AGBL1: variants seen among roughly 807,000 people sequenced by gnomAD.
AGBL1 encodes the protein cytosolic carboxypeptidase 4.
A neutral mutation model predicts 118.9 loss-of-function variants in AGBL1; 130 were observed. The observed-to-expected ratio is 1.09, with a 90% CI of 0.95 to 1.26. The LOEUF is 1.26. AGBL1 is among the 50% of genes most tolerant of loss of function. The probability of loss-of-function intolerance (pLI) is 0.00; values close to 1 mark genes in which losing one functional copy is unlikely to be tolerated. For synonymous variants in AGBL1, 555 were observed against 478.9 expected (o/e 1.16, Z -2.08); for missense variants, 1,584 against 1,298.1 (o/e 1.22, Z -3.38).
At chr15:86,536,904 T>C (rs1330248883) in intron 19 of AGBL1, among the ~76,000 whole-genome samples, 1 of 152,134 alleles carries the variant, frequency 6.6e-6, no homozygotes, top group East Asian at 1.9e-4. Context: ...AGGCTTCCGA[T>C]GAAGACACGG....
At chr15:86,101,858 G>A (rs1271286569) in intron 1 of AGBL1, among the ~76,000 whole-genome samples, 1 of 151,954 alleles carries the variant, frequency 6.6e-6, no homozygotes, top group Non-Finnish European at 1.5e-5. Context: ...AAAACTTAAT[G>A]CATTTATATT....
At chr15:86,278,433 C>T (rs565477057) in intron 15 of AGBL1, among the ~76,000 whole-genome samples, 9 of 151,766 alleles carry the variant, frequency 5.9e-5, no homozygotes, top group Admixed American at 1.3e-4. Context: ...TAGTCCCATT[C>T]CGAGGTGTAT....
At chr15:86,956,253 A>T (rs1210122088) in intron 23 of AGBL1, among the ~76,000 whole-genome samples, 1 of 149,972 alleles carries the variant, frequency 6.7e-6, no homozygotes, top group Non-Finnish European at 1.5e-5. Flanking sequence ...AGATAGATAG[A>T]TAGATAGATT....
intron 24 of AGBL1, among the ~76,000 whole-genome samples, chr15:86,999,284 A>ATG (rs1491398766): frequency 6.6e-6 from 1 of 151,406 alleles, no homozygotes; most frequent in Non-Finnish European, 1.5e-5. Flanking sequence ...GGTTAGTTAC[A>ATG]TGTGTGTACA....
rs1343979881 is a variant in AGBL1 at position 86,264,348 on chromosome 15, C to T, written c.1177C>T (p.Gln393Ter). 7.4e-6 allele frequency: 12 copies of T among 1,613,082 alleles called. No homozygotes were observed. In the East Asian group the frequency reaches 2.5e-4, roughly 33 times the overall value. Residue 393 changes from glutamine to a stop codon, truncating the protein, a stop_gained, in exon 11 of 23, where the codon CAG (glutamine) becomes TAG (stop). Transcript: ENST00000614907. LOFTEE classifies it high-confidence loss of function. ...CATTCCAGCCGCTGCCTCCTCAAAA[C>T]AGCATTGCTACAGCAAGGACCAAAG... is the stretch of plus-strand genomic sequence containing the variant. ...HHIPAAASSKQHCYSKDQSSC... is the reference protein window; with the variant it reads ...HHIPAAASSK
At chr15:86,958,670 T>C (rs2080958378) in intron 23 of AGBL1, among the ~76,000 whole-genome samples, 1 of 152,186 alleles carries the variant, frequency 6.6e-6, no homozygotes, top group Non-Finnish European at 1.5e-5. Context: ...TATATAATTT[T>C]TTATCAGCAC....
At chr15:86,827,467 ATACATATATATATATATGTGTG>A (rs1486384254) in intron 22 of AGBL1, among the ~76,000 whole-genome samples, 38 of 11,030 alleles carry the variant, frequency 3.4e-3, no homozygotes, top group African/African-American at 0.028. Context: ...ATATATATAT[ATACATATATATATATATGTGTG>A]TATATATATA....
In AGBL1 at chr15:86,721,056, A is replaced by T. The variant is rs1413458826; in HGVS notation, c.3158+46620A>T. On this transcript the variant is annotated intron_variant, in intron 22 of 22. Coordinates refer to ENST00000614907, the MANE Select transcript of AGBL1 (RefSeq NM_001386094.1). Reference sequence around the variant, plus strand: ...CAGGACCAGATGGATTCACAGCTGAATTCTACCAGAGGTACAAGGAGGAGC... The same window carrying T: ...CAGGACCAGATGGATTCACAGCTGATTTCTACCAGAGGTACAAGGAGGAGC... 2.0e-5 allele frequency among the ~76,000 whole-genome samples: 3 copies of T among 152,178 alleles called. No homozygotes were observed. The East Asian group carries it at 5.8e-4, about 29-fold the overall frequency.
intron 18 of AGBL1, among the ~76,000 whole-genome samples, chr15:86,438,913 G>A (rs2082029646): frequency 1.3e-5 from 2 of 151,840 alleles, no homozygotes; most frequent in Non-Finnish European, 2.9e-5. Flanking sequence ...CCACCACCTC[G>A]GCCTCCCAAA....
At chr15:86,637,504 A>G (rs755289269) in intron 21 of AGBL1, among the ~76,000 whole-genome samples, 1 of 152,172 alleles carries the variant, frequency 6.6e-6, no homozygotes, top group Admixed American at 6.6e-5. Flanking sequence ...AAAAGAAGCT[A>G]AAGTGTCAAG....
rs533720558 is a variant in AGBL1, at chr15:86,545,873, C to A, written c.2686-129C>A. 76 of 1,161,080 alleles carry A rather than the reference C, an allele frequency of 6.5e-5. No homozygotes were observed. The African/African-American group carries it at 1.1e-3, about 17-fold the overall frequency. 71.9% of individuals were successfully genotyped at this position (1,161,080 alleles called of 1,614,324 possible). ...GCACATGGCTGGTCTGCTAACTCAA[C>A]AGCATCCGAGAAAGTTGACATTGTA... On this transcript the variant is annotated intron_variant, in intron 19 of 22. Transcript: ENST00000614907.
chr15:86,540,254 C>A (rs1408354699), intron 19 of AGBL1, among the ~76,000 whole-genome samples: 1 of 152,132 alleles, frequency 6.6e-6, no homozygotes, highest in South Asian at 2.1e-4. Flanking sequence ...TATTACGTAG[C>A]AGTTACCCAG....
chr15:86,703,537 T>G (rs777769307), intron 22 of AGBL1, among the ~76,000 whole-genome samples: 15 of 152,160 alleles, frequency 9.9e-5, no homozygotes, highest in Non-Finnish European at 1.8e-4. Context: ...AATAAATTCT[T>G]AGTGACTGTT....
At chr15:86,552,585 G>A (rs1426086214) in intron 20 of AGBL1, among the ~76,000 whole-genome samples, 2 of 152,174 alleles carry the variant, frequency 1.3e-5, no homozygotes, top group Non-Finnish European at 2.9e-5. Flanking sequence ...TAACCTCTAT[G>A]AGCAACATAC....
intron 5 of AGBL1, among the ~76,000 whole-genome samples, chr15:86,166,531 G>C (rs1458215232): frequency 6.6e-6 from 1 of 152,134 alleles, no homozygotes; most frequent in African/African-American, 2.4e-5. Flanking sequence ...GCTTGAGAAG[G>C]GCTTGGTCTG....
At chr15:86,957,105 A>T (rs753371569) in intron 23 of AGBL1, among the ~76,000 whole-genome samples, 1 of 152,168 alleles carries the variant, frequency 6.6e-6, no homozygotes, top group Non-Finnish European at 1.5e-5. Flanking sequence ...ACTAAGCAGT[A>T]TGATTGTCTC....
chr15:86,488,868 T>G lies in AGBL1; in HGVS notation c.2556-33942T>G, dbSNP rs548603681. ...CCCTATAGTCAAATATTCATTCTTC[T>G]GTCTTTACAATTAATCCACCAAGCA... On this transcript the variant is annotated intron_variant, in intron 18 of 22. Transcript: ENST00000614907. Among the ~76,000 whole-genome samples the G allele has an allele frequency of 1.6e-3, 238 of 152,148 alleles. 3 individuals are homozygous for G. The highest frequency in any genetic ancestry group is 7.2e-3 in the Admixed American group (110 of 15,276).
chr15:86,249,154 C>T (rs1340502461), intron 7 of AGBL1, among the ~76,000 whole-genome samples: 1 of 152,086 alleles, frequency 6.6e-6, no homozygotes, highest in African/African-American at 2.4e-5. Context: ...ATAAGTGTTC[C>T]AGTATCCATC....
At chr15:86,200,712 G>GTTCAAGCAATTCTCCTGC (rs769070322) in intron 5 of AGBL1, among the ~76,000 whole-genome samples, 16 of 151,530 alleles carry the variant, frequency 1.1e-4, no homozygotes, top group Non-Finnish European at 2.1e-4. Flanking sequence ...TGCCTCCCAG[G>GTTCAAGCAATTCTCCTGC]TTCAAGCAAT....
Sources: allele counts gnomAD v4.1 joint callset (sites outside exome capture counted in the v4.1 genomes callset), GRCh38; gene constraint gnomAD v4.1.1; transcripts MANE v1.5; gene names NCBI Gene and HGNC (gene_info 2026-07-23, HGNC 2026-07-21).